The following GREM2 variants were observed in gnomAD, a reference collection of about 807,000 sequenced individuals.
The protein encoded by GREM2 is gremlin-2.
Under a neutral mutation model 14.2 loss-of-function variants are expected in GREM2, and 11 were observed. The ratio of observed to expected loss-of-function variants is 0.78; its 90% confidence interval spans 0.49 to 1.28. The LOEUF is 1.28. GREM2 is among the 50% of genes most tolerant of loss of function. The pLI is 0.00. For missense variants in GREM2, 210 were observed against 218.5 expected (o/e 0.96, Z 0.24); for synonymous variants, 98 against 97.6 (o/e 1.00, Z -0.02).
intron 1 of GREM2, among the ~76,000 whole-genome samples, chr1:240,611,401 C>A (rs1177748943): frequency 6.6e-6 from 1 of 152,116 alleles, no homozygotes; most frequent in Non-Finnish European, 1.5e-5. Context: ...GGCGGGTGCA[C>A]CTTGGCCATA....
chr1:240,549,444 C>A (rs1355544424), intron 1 of GREM2, among the ~76,000 whole-genome samples: 2 of 151,624 alleles, frequency 1.3e-5, no homozygotes, highest in Non-Finnish European at 2.9e-5. Context: ...AGAGATAAAT[C>A]CCAGCAGAGC....
At chr1:240,502,223 C>T (rs1189433428) in intron 1 of GREM2, among the ~76,000 whole-genome samples, 1 of 152,130 alleles carries the variant, frequency 6.6e-6, no homozygotes, top group Admixed American at 6.5e-5. Context: ...GTCCATGCAA[C>T]CCACCAACTT....
intron 1 of GREM2, among the ~76,000 whole-genome samples, chr1:240,594,240 T>A (rs1679770846): frequency 6.6e-6 from 1 of 152,130 alleles, no homozygotes. Context: ...AGGCGTGGTG[T>A]GAGCCACTGC....
In GREM2 at chr1:240,520,795, G is replaced by A. The variant is rs181033279; in HGVS notation, c.-1-27319C>T. Among the ~76,000 whole-genome samples the A allele has an allele frequency of 5.9e-5, 9 of 151,822 alleles. No individual in the cohort carries two copies. In the East Asian group the frequency reaches 1.4e-3, roughly 23 times the overall value. ...AGACCTCAAGTGATCCTCTTGCCTCGGCTTCCCAAAGTGCTGGAATTGTAG... is the reference window on the plus strand; with the variant it reads ...AGACCTCAAGTGATCCTCTTGCCTCAGCTTCCCAAAGTGCTGGAATTGTAG... On this transcript the variant is annotated intron_variant, in intron 1 of 1. Coordinates refer to ENST00000318160, the MANE Select transcript of GREM2 (RefSeq NM_022469.4).
intron 1 of GREM2, among the ~76,000 whole-genome samples, chr1:240,584,399 G>A (rs143136246): frequency 0.012 from 1,819 of 151,370 alleles, 45 homozygotes; most frequent in African/African-American, 0.042. Flanking sequence ...GGAGGCTGAG[G>A]CAGAAGAATT....
At chr1:240,524,342 T>C (rs939420661) in intron 1 of GREM2, among the ~76,000 whole-genome samples, 1 of 152,250 alleles carries the variant, frequency 6.6e-6, no homozygotes, top group African/African-American at 2.4e-5. Flanking sequence ...AATTTACATA[T>C]TATACTCTTT....
At chr1:240,562,950 GTA>G (rs934726419) in intron 1 of GREM2, among the ~76,000 whole-genome samples, 43 of 139,126 alleles carry the variant, frequency 3.1e-4, no homozygotes, top group South Asian at 4.3e-4. Flanking sequence ...GTGTGAGTGT[GTA>G]TGTGTGTGAG....
At chr1:240,578,571 G>A (rs1679416864) in intron 1 of GREM2, among the ~76,000 whole-genome samples, 1 of 151,912 alleles carries the variant, frequency 6.6e-6, no homozygotes, top group Non-Finnish European at 1.5e-5. Context: ...GATCACTTGA[G>A]GTCAGGGGTT....
chr1:240,511,525 C>T lies in GREM2; in HGVS notation c.-1-18049G>A, dbSNP rs191875615. Among the ~76,000 whole-genome samples the T allele has an allele frequency of 3.4e-4, 51 of 152,156 alleles. No individual in the cohort carries two copies. In the East Asian group the frequency reaches 7.8e-3, roughly 23 times the overall value. On this transcript the variant is annotated intron_variant, in intron 1 of 1. Transcript: ENST00000318160. Reference sequence around the variant, plus strand: ...CAGCACTTTGGGAAGCCGAGGCGGGCGGATAACCTGAGGTTAGGAGTTGGA... The same window carrying T: ...CAGCACTTTGGGAAGCCGAGGCGGGTGGATAACCTGAGGTTAGGAGTTGGA...
At chr1:240,508,515 A>G (rs1044806076) in intron 1 of GREM2, among the ~76,000 whole-genome samples, 3 of 152,216 alleles carry the variant, frequency 2.0e-5, no homozygotes, top group African/African-American at 7.2e-5. Context: ...GATCAGCCTA[A>G]TTATAAATAA....
chr1:240,563,234 T>A (rs558013505), intron 1 of GREM2, among the ~76,000 whole-genome samples: 1 of 151,936 alleles, frequency 6.6e-6, no homozygotes, highest in East Asian at 1.9e-4. Context: ...TGCGTGAGAG[T>A]GTGTGTGTAT....
At position 240,543,485 on chromosome 1, in the gene GREM2, G is replaced by A. The variant is rs1242191147; in HGVS notation, c.-1-50009C>T. Among the ~76,000 whole-genome samples the A allele has an allele frequency of 6.6e-6, 1 of 152,086 alleles. No individual in the cohort carries two copies. Among genetic ancestry groups the A allele is most frequent in the African/African-American group, 2.4e-5 (1 of 41,412 alleles). The stretch of plus-strand genomic sequence containing the variant: ...TCTGGTGAGACTTATTCACTACCAT[G>A]ATAACAGTAGGGGGGAAACCGCCCT... On this transcript the variant is annotated intron_variant, in intron 1 of 1. Transcript: ENST00000318160. The surrounding 1 kb of genome is among the most constrained non-coding windows in gnomAD (Gnocchi z 6.4).
At chr1:240,611,720 G>C (rs1327674316) in intron 1 of GREM2, among the ~76,000 whole-genome samples, 164 bp downstream of exon 1, 1 of 152,112 alleles carries the variant, frequency 6.6e-6, no homozygotes, top group Non-Finnish European at 1.5e-5. Context: ...CCAGACACAC[G>C]CCAACAGCTT....
chr1:240,595,648 G>T (rs569140160), intron 1 of GREM2, among the ~76,000 whole-genome samples: 5 of 152,256 alleles, frequency 3.3e-5, no homozygotes, highest in South Asian at 4.2e-4. Context: ...ATCTGGAGGC[G>T]GCATATTGAG....
intron 1 of GREM2, among the ~76,000 whole-genome samples, chr1:240,508,491 TAGATCTTTCCTAGGATC>T (rs1213084655): frequency 6.6e-6 from 1 of 152,228 alleles, no homozygotes; most frequent in Admixed American, 6.5e-5. Flanking sequence ...TATAACTGTT[TAGATCTTTCCTAGGATC>T]AGCCTAATTA....
chr1:240,517,019 T>C (rs1377582297), intron 1 of GREM2, among the ~76,000 whole-genome samples: 1 of 152,186 alleles, frequency 6.6e-6, no homozygotes, highest in Non-Finnish European at 1.5e-5. Context: ...TTTCCTCATC[T>C]ATAAACTGGG....
chr1:240,582,865 A>G (rs940895614), intron 1 of GREM2, among the ~76,000 whole-genome samples: 1 of 149,496 alleles, frequency 6.7e-6, no homozygotes, highest in Non-Finnish European at 1.5e-5. Flanking sequence ...AAATTTTTTT[A>G]AAGTACGTAG....
intron 1 of GREM2, among the ~76,000 whole-genome samples, chr1:240,570,370 G>A (rs1044596897): frequency 9.9e-5 from 15 of 152,140 alleles, no homozygotes; most frequent in African/African-American, 3.6e-4. Context: ...GCTGAGGCAA[G>A]ATAATTGCTT....
At chr1:240,493,835 T>G (rs1677336139) in intron 1 of GREM2, among the ~76,000 whole-genome samples, 1 of 152,232 alleles carries the variant, frequency 6.6e-6, no homozygotes, top group African/African-American at 2.4e-5. Flanking sequence ...TTTTTAATGC[T>G]GTACGGTTTT....
Sources: gnomAD v4.1 joint callset for allele counts (sites outside exome capture counted in the v4.1 genomes callset) on GRCh38, gnomAD v4.1.1 for gene constraint, Gnocchi (gnomAD v3.1) non-coding constraint, MANE v1.5 for transcripts, NCBI Gene and HGNC (gene_info 2026-07-23, HGNC 2026-07-21) for gene names.